HMGCLL1: variants seen among roughly 807,000 people sequenced by gnomAD.
HMGCLL1 encodes 3-hydroxy-3-methylglutaryl-CoA lyase like 1.
Under a neutral mutation model 39.1 loss-of-function variants are expected in HMGCLL1, and 36 were observed. The ratio of observed to expected loss-of-function variants is 0.92; its 90% CI spans 0.71 to 1.22. The LOEUF is 1.22. HMGCLL1 is among the 50% of genes most tolerant of loss of function. HMGCLL1 has a pLI of 0.00. For missense variants in HMGCLL1, 451 were observed against 416.5 expected, an observed-to-expected ratio of 1.08 and a Z score of -0.72; for synonymous variants, 149 against 144.0, an observed-to-expected ratio of 1.03 and a Z score of -0.25.
At chr6:55,629,920 G>A in the HMGCLL1 span, among the ~76,000 whole-genome samples, 1 of 152,206 alleles carries the variant, frequency 6.6e-6, no homozygotes, top group Admixed American at 6.5e-5. Context: ...GAAGTTTACT[G>A]CAGGAGTGGG....
At chr6:55,448,356 A>G (rs2127386906) in intron 7 of HMGCLL1, among the ~76,000 whole-genome samples, 1 of 149,574 alleles carries the variant, frequency 6.7e-6, no homozygotes, top group Admixed American at 6.7e-5. Context: ...AAACAGTACT[A>G]TATATACAAA....
At chr6:55,504,818 T>C (rs943895275) in intron 5 of HMGCLL1, among the ~76,000 whole-genome samples, 1 of 151,706 alleles carries the variant, frequency 6.6e-6, no homozygotes, top group Non-Finnish European at 1.5e-5. Flanking sequence ...TTTTACCTTC[T>C]GAATACTTGT....
At chr6:55,532,597 T>A (rs1768746864) in intron 3 of HMGCLL1, among the ~76,000 whole-genome samples, 1 of 151,870 alleles carries the variant, frequency 6.6e-6, no homozygotes. Flanking sequence ...GGTCAGGAGT[T>A]CGAGACCAGC....
intron 5 of HMGCLL1, among the ~76,000 whole-genome samples, chr6:55,503,733 C>T (rs940360358): frequency 7.9e-5 from 12 of 151,534 alleles, no homozygotes; most frequent in African/African-American, 2.7e-4. Context: ...AAACCTGTTT[C>T]CCCTGCATTT....
At chr6:55,615,859 A>G in the HMGCLL1 span, among the ~76,000 whole-genome samples, 1 of 152,098 alleles carries the variant, frequency 6.6e-6, no homozygotes, top group Non-Finnish European at 1.5e-5. Context: ...TTATGTCAAT[A>G]GGCAAAGATG....
rs1763299511 is a variant in HMGCLL1, at chr6:55,434,625, T to C, written c.*1037A>G. ...GTCCTCCTGCTCCTCATCCCTGACT[T>C]TGATATATTACATCTTGCAATTTCT... On this transcript the variant is annotated 3_prime_UTR_variant, in exon 9 of 9. Coordinates refer to ENST00000274901, the MANE Select transcript of HMGCLL1 (RefSeq NM_001042406.2). 6.6e-6 allele frequency: 1 copy of C among 152,026 alleles called. No homozygotes were observed. The highest frequency in any genetic ancestry group is 2.4e-5 in the African/African-American group (1 of 41,418). 9.4% of individuals were successfully genotyped at this position (152,026 alleles called of 1,614,324 possible). A position where few individuals can be genotyped will look rare whatever the true frequency, so the allele number is the denominator to read the frequency against.
At chr6:55,644,617 G>A in the HMGCLL1 span, among the ~76,000 whole-genome samples, 14 of 151,952 alleles carry the variant, frequency 9.2e-5, no homozygotes, top group African/African-American at 2.9e-4. Flanking sequence ...TCTGCTCATC[G>A]ATATCCAGTT....
upstream of HMGCLL1, among the ~76,000 whole-genome samples, chr6:55,581,777 A>T (rs1437765589): frequency 6.6e-6 from 1 of 151,998 alleles, no homozygotes; most frequent in East Asian, 1.9e-4. Flanking sequence ...TGCACTCTAT[A>T]CTATGCTTGC....
the HMGCLL1 span, among the ~76,000 whole-genome samples, chr6:55,633,003 A>G: frequency 1.3e-5 from 2 of 152,080 alleles, no homozygotes; most frequent in African/African-American, 4.8e-5. Flanking sequence ...GACCCTCCAG[A>G]TTGGCAAGAA....
At chr6:55,589,182 C>T in the HMGCLL1 span, among the ~76,000 whole-genome samples, 1 of 152,264 alleles carries the variant, frequency 6.6e-6, no homozygotes, top group Admixed American at 6.5e-5. Context: ...CCGAATCCAG[C>T]AACACATCAA....
At chr6:55,513,958 T>A in intron 5 of HMGCLL1, 90 bp downstream of exon 5, 1 of 1,112,646 alleles carries the variant, frequency 9.0e-7, no homozygotes, top group Non-Finnish European at 1.3e-6. Context: ...TGTATATTTT[T>A]ATAAATGATA....
At chr6:55,602,661 A>G in the HMGCLL1 span, among the ~76,000 whole-genome samples, 1,643 of 152,072 alleles carry the variant, frequency 0.011, 31 homozygotes, top group African/African-American at 0.037. Context: ...CAAAACAAAT[A>G]AGATGTAAAA....
At chr6:55,459,348 G>C (rs540148558) in intron 7 of HMGCLL1, among the ~76,000 whole-genome samples, 5 of 152,172 alleles carry the variant, frequency 3.3e-5, no homozygotes, top group African/African-American at 9.6e-5. Flanking sequence ...AAGAGTTTAA[G>C]GGGGAAGAAA....
intron 1 of HMGCLL1, chr6:55,577,272 AAC>A: frequency 7.0e-7 from 1 of 1,426,808 alleles, no homozygotes; most frequent in Non-Finnish European, 9.5e-7. Context: ...TTGGAACTAA[AAC>A]AGAATTATTT....
chr6:55,649,027 G>A, the HMGCLL1 span, among the ~76,000 whole-genome samples: 5 of 152,072 alleles, frequency 3.3e-5, no homozygotes, highest in Non-Finnish European at 5.9e-5. Context: ...ATGTCTTATT[G>A]TACTATACAT....
At chr6:55,482,052 T>C (rs562131010) in intron 7 of HMGCLL1, among the ~76,000 whole-genome samples, 1 of 152,116 alleles carries the variant, frequency 6.6e-6, no homozygotes, top group Non-Finnish European at 1.5e-5. Context: ...CATAAAGTAG[T>C]CACATCTTCC....
chr6:55,478,470 A>G (rs528022665), intron 7 of HMGCLL1, among the ~76,000 whole-genome samples: 7 of 151,542 alleles, frequency 4.6e-5, no homozygotes, highest in African/African-American at 1.7e-4. Flanking sequence ...AAATTTACAC[A>G]TTTACTGAGC....
intron 1 of HMGCLL1, among the ~76,000 whole-genome samples, chr6:55,555,132 T>TTAC (rs1424043451): frequency 6.6e-6 from 1 of 152,154 alleles, no homozygotes; most frequent in African/African-American, 2.4e-5. Flanking sequence ...CCCCATGAAC[T>TTAC]TACATCTTAC....
chr6:55,617,749 G>T, the HMGCLL1 span, among the ~76,000 whole-genome samples: 1 of 152,014 alleles, frequency 6.6e-6, no homozygotes, highest in Non-Finnish European at 1.5e-5. Context: ...TACCCTCTGT[G>T]CATCCTTGCA....
Sources: gnomAD v4.1 joint callset for allele counts (sites outside exome capture counted in the v4.1 genomes callset) on GRCh38, gnomAD v4.1.1 for gene constraint, MANE v1.5 for transcripts, NCBI Gene and HGNC (gene_info 2026-07-23, HGNC 2026-07-21) for gene names.